CACNA2D2: variants seen among roughly 807,000 people sequenced by gnomAD.
The protein encoded by CACNA2D2 is calcium voltage-gated channel auxiliary subunit alpha2delta 2.
A neutral mutation model predicts 166.4 loss-of-function variants in CACNA2D2; 48 were observed. The observed-to-expected ratio is 0.29, with a 90% CI of 0.23 to 0.37. The LOEUF (loss-of-function observed/expected upper bound fraction) is 0.37, where lower values mean the gene tolerates loss of function less well. Ranked by LOEUF, CACNA2D2 falls within the 10% of genes least tolerant of loss-of-function variation. The pLI, the probability that CACNA2D2 is intolerant of heterozygous loss-of-function variation, is 1.00. For synonymous variants in CACNA2D2, 561 were observed against 573.7 expected (o/e 0.98, Z 0.32); for missense variants, 1,122 against 1,433.0 (o/e 0.78, Z 3.50).
intron 3 of CACNA2D2, among the ~76,000 whole-genome samples, chr3:50,402,025 T>G (rs2106763580): frequency 6.6e-6 from 1 of 152,288 alleles, no homozygotes; most frequent in African/African-American, 2.4e-5. Context: ...AGTGGACGTT[T>G]TAACATCAAG....
At position 50,427,486 on chromosome 3, in the gene CACNA2D2, G is replaced by A. The variant is rs995711931; in HGVS notation, c.405+6827C>T. ...TTGGGCGCTTGGCGCCCACGCGTGCGCCTAATTGGCTCCACGTGTCTGCGG... is the reference window on the plus strand; with the variant it reads ...TTGGGCGCTTGGCGCCCACGCGTGCACCTAATTGGCTCCACGTGTCTGCGG... On this transcript the variant is annotated intron_variant, in intron 3 of 37. Coordinates refer to ENST00000424201, the MANE Select transcript of CACNA2D2 (RefSeq NM_006030.4). This position sits in a 1 kb window ranked among gnomAD's most constrained non-coding sequence, Gnocchi z 4.7. 1.6e-4 allele frequency among the ~76,000 whole-genome samples: 24 copies of A among 152,258 alleles called. No homozygotes were observed. Among genetic ancestry groups the A allele is most frequent in the African/African-American group, 2.4e-4 (10 of 41,480 alleles).
intron 4 of CACNA2D2, among the ~76,000 whole-genome samples, chr3:50,389,077 G>C (rs942934893): frequency 6.6e-6 from 1 of 152,194 alleles, no homozygotes; most frequent in Non-Finnish European, 1.5e-5. Context: ...GCTCCAACCT[G>C]CCCTTCCAGC....
intron 1 of CACNA2D2, among the ~76,000 whole-genome samples, chr3:50,486,584 C>T (rs939550871): frequency 2.6e-5 from 4 of 152,140 alleles, no homozygotes; most frequent in South Asian, 2.1e-4. Flanking sequence ...AGAGGCCAAG[C>T]GAAGACAGAA....
At chr3:50,426,388 T>C (rs899642641) in intron 3 of CACNA2D2, among the ~76,000 whole-genome samples, 3 of 152,110 alleles carry the variant, frequency 2.0e-5, no homozygotes, top group Non-Finnish European at 2.9e-5. Flanking sequence ...AGCAAGGCCG[T>C]AGGGTGGGAC....
intron 1 of CACNA2D2, among the ~76,000 whole-genome samples, chr3:50,479,167 C>G (rs1697933213): frequency 6.6e-6 from 1 of 152,160 alleles, no homozygotes; most frequent in African/African-American, 2.4e-5. Flanking sequence ...CTCACTCTCC[C>G]TCCCTCCTTG....
Position 50,365,048 on chromosome 3 carries a change from G to A in CACNA2D2, c.3208+27C>T, listed in dbSNP as rs756581059. Reference sequence around the variant, plus strand: ...GGCGCGCGGGGCAGAGGGGGAGCGGGCGGCGGGGAGGGCGGGGGCAGGATA... The same window carrying A: ...GGCGCGCGGGGCAGAGGGGGAGCGGACGGCGGGGAGGGCGGGGGCAGGATA... On this transcript the variant is annotated intron_variant, in intron 36 of 37. Coordinates refer to ENST00000424201, the MANE Select transcript of CACNA2D2 (RefSeq NM_006030.4). The surrounding 1 kb of genome is among the most constrained non-coding windows in gnomAD (Gnocchi z 4.5). The A allele has an allele frequency of 5.0e-5, 80 of 1,599,668 alleles. No homozygotes were observed. The East Asian group carries it at 1.6e-3, about 32-fold the overall frequency.
At chr3:50,418,814 CCT>C (rs1284639848) in intron 3 of CACNA2D2, among the ~76,000 whole-genome samples, 2 of 152,230 alleles carry the variant, frequency 1.3e-5, no homozygotes, top group South Asian at 2.1e-4. Flanking sequence ...AGGGGGTTCC[CCT>C]GTTTCTCCCT....
chr3:50,411,018 A>C (rs1248504041), intron 3 of CACNA2D2, among the ~76,000 whole-genome samples: 1 of 152,210 alleles, frequency 6.6e-6, no homozygotes, highest in African/African-American at 2.4e-5. Context: ...TTTAACATCC[A>C]GAACTCCCCT....
chr3:50,434,443 G>C lies in CACNA2D2; in HGVS notation c.289-14C>G, dbSNP rs199740480. 1.2e-6 allele frequency: 2 copies of C among 1,601,840 alleles called. No homozygotes were observed. Among genetic ancestry groups the C allele is most frequent in the African/African-American group, 2.7e-5 (2 of 74,842 alleles). ...GTCCTTGTAAATCTGGAAGGAAGCA[G>C]AAGCCAGGGGTGAGACCAGGTGGTC... is the stretch of plus-strand genomic sequence containing the variant. On this transcript the variant is annotated splice_polypyrimidine_tract_variant and intron_variant, in intron 2 of 37. Coordinates refer to ENST00000424201, the MANE Select transcript of CACNA2D2 (RefSeq NM_006030.4).
intron 2 of CACNA2D2, among the ~76,000 whole-genome samples, chr3:50,435,555 G>A (rs1044694345): frequency 1.3e-5 from 2 of 149,270 alleles, no homozygotes; most frequent in Non-Finnish European, 3.0e-5. Flanking sequence ...AGAGGCAGCC[G>A]ATGAAAGACA....
intron 2 of CACNA2D2, among the ~76,000 whole-genome samples, chr3:50,463,663 G>C (rs1056799969): frequency 6.6e-6 from 1 of 152,228 alleles, no homozygotes; most frequent in Non-Finnish European, 1.5e-5. Context: ...GGCTGAGTGG[G>C]CTGCAAATGT....
At chr3:50,410,663 A>C (rs115329433) in intron 3 of CACNA2D2, among the ~76,000 whole-genome samples, 1,778 of 152,266 alleles carry the variant, frequency 0.012, 39 homozygotes, top group African/African-American at 0.041. Flanking sequence ...CCTGCCCACA[A>C]GGCCACTCCG....
intron 22 of CACNA2D2, among the ~76,000 whole-genome samples, chr3:50,373,347 G>C (rs918863000): frequency 2.0e-4 from 30 of 150,424 alleles, no homozygotes; most frequent in Admixed American, 4.0e-4. Context: ...GGTGGGGCCG[G>C]AGCCCCAGCC....
At chr3:50,420,402 G>T (rs547176931) in intron 3 of CACNA2D2, among the ~76,000 whole-genome samples, 1 of 152,320 alleles carries the variant, frequency 6.6e-6, no homozygotes, top group South Asian at 2.1e-4. Context: ...CTCAGCAGTG[G>T]TGCTGTGGCT....
In CACNA2D2 at chr3:50,379,494, C is replaced by T; in HGVS notation, c.1090G>A (p.Val364Met). 1.9e-6 allele frequency: 3 copies of T among 1,614,012 alleles called. No homozygotes were observed. Among genetic ancestry groups the T allele is most frequent in the Non-Finnish European group, 1.7e-6 (2 of 1,180,038 alleles). The change falls in exon 11 of 38, where the codon GTG becomes ATG. Residue 364 changes from valine (V) to methionine (M), a missense_variant. By Grantham distance (21) the Val-to-Met change is conservative. Around this residue, in one of 2 missense-constraint regions of CACNA2D2, gnomAD observed 840 missense variants for 1,166.8 expected, o/e 0.72. Coordinates refer to ENST00000424201, the MANE Select transcript of CACNA2D2 (RefSeq NM_006030.4). This position sits in a 1 kb window ranked among gnomAD's most constrained non-coding sequence, Gnocchi z 6.5. Reference protein sequence around the residue: ...KVFKEAVQGMVAKGTTGYKAG... With the variant: ...KVFKEAVQGMMAKGTTGYKAG... ...TTGTAGCCTGTGGTGCCCTTGGCCA[C>T]CATGCCCTGCACAGCTTCCTTGAAC...
At chr3:50,370,420 A>C in intron 22 of CACNA2D2, 40 bp from the exon 23 acceptor site, 16 of 442,448 alleles carry the variant, frequency 3.6e-5, no homozygotes, top group East Asian at 1.1e-4. Context: ...GGGGCTGGGG[A>C]GGCTGGAGGC....
intron 3 of CACNA2D2, among the ~76,000 whole-genome samples, chr3:50,416,882 T>C (rs1707286611): frequency 6.6e-6 from 1 of 152,166 alleles, no homozygotes; most frequent in Admixed American, 6.5e-5. Flanking sequence ...TGTGTGCCCA[T>C]CGGGTGCACA....
chr3:50,370,228 A>G (rs1278310766), intron 23 of CACNA2D2, 92 bp downstream of exon 23: 2 of 865,922 alleles, frequency 2.3e-6, no homozygotes, highest in Admixed American at 2.0e-5. Context: ...CACAGGACAC[A>G]GACACACAGA....
chr3:50,433,126 C>T (rs1029849522), intron 3 of CACNA2D2, among the ~76,000 whole-genome samples: 5 of 152,194 alleles, frequency 3.3e-5, no homozygotes, highest in African/African-American at 4.8e-5. Context: ...TTCATCACTC[C>T]GAAAAAGAAA....
Sources: allele counts gnomAD v4.1 joint callset (sites outside exome capture counted in the v4.1 genomes callset), GRCh38; gene constraint gnomAD v4.1.1; regional missense constraint gnomAD v4.1.1; non-coding constraint Gnocchi (gnomAD v3.1); transcripts MANE v1.5; gene names NCBI Gene and HGNC (gene_info 2026-07-23, HGNC 2026-07-21).